The following ANKRD18B variants were observed in gnomAD, a reference collection of about 807,000 sequenced individuals.
ANKRD18B encodes the protein ankyrin repeat domain 18B.
In ANKRD18B, 75 loss-of-function variants were observed where a neutral mutation model predicts 111.8. The observed-to-expected ratio is 0.67, with a 90% CI of 0.56 to 0.81. ANKRD18B has a LOEUF of 0.81. Ranked by LOEUF, ANKRD18B falls within the 40% of genes least tolerant of loss-of-function variation. The pLI, the probability that ANKRD18B is intolerant of heterozygous loss-of-function variation, is 0.00. For synonymous variants in ANKRD18B, 356 were observed against 417.3 expected (o/e 0.85, Z 1.79); for missense variants, 1,038 against 1,225.5 (o/e 0.85, Z 2.28).
chr9:33,545,281 G>A, intron 10 of ANKRD18B, among the ~76,000 whole-genome samples: 1 of 152,098 alleles, frequency 6.6e-6, no homozygotes, highest in Admixed American at 6.6e-5. Context: ...AGTAGTTATG[G>A]CTGAAATGAA....
chr9:33,525,691 G>A (rs1480029658), intron 1 of ANKRD18B, among the ~76,000 whole-genome samples: 2 of 151,236 alleles, frequency 1.3e-5, no homozygotes, highest in Admixed American at 1.3e-4. Context: ...AATCCCCTGT[G>A]TATCAGAAAA....
chr9:33,529,174 G>A lies in ANKRD18B; in HGVS notation c.495+1G>A, dbSNP rs1410071819. 4 of 1,594,096 alleles carry A rather than the reference G, an allele frequency of 2.5e-6. No individual in the cohort carries two copies. The highest frequency in any genetic ancestry group is 1.4e-5 in the African/African-American group (1 of 74,048). On this transcript the variant is annotated splice_donor_variant, in intron 3 of 18. Coordinates refer to ENST00000684830, the MANE Select transcript of ANKRD18B (RefSeq NM_001393611.1). LOFTEE classifies it high-confidence loss of function. ...TGCAAATATTGAAGCACTAAACAAG[G>A]TACAGATCAATCAACTTTCTTTTCA...
At position 33,550,581 on chromosome 9, in the gene ANKRD18B, T is replaced by C; in HGVS notation, c.2217+2T>C. ...AAATTATTTCAAGTAGAAATTCAAGTATGTATGGAATTTAACATGTAGACA... is the reference window on the plus strand; with the variant it reads ...AAATTATTTCAAGTAGAAATTCAAGCATGTATGGAATTTAACATGTAGACA... On this transcript the variant is annotated splice_donor_variant, in intron 12 of 18. Coordinates refer to ENST00000684830, the MANE Select transcript of ANKRD18B (RefSeq NM_001393611.1). LOFTEE classifies it high-confidence loss of function. 3.2e-5 allele frequency: 49 copies of C among 1,534,708 alleles called. No individual in the cohort carries two copies. The highest frequency in any genetic ancestry group is 4.3e-5 in the Non-Finnish European group (49 of 1,140,586).
chr9:33,544,227 G>T (rs1828323628), intron 10 of ANKRD18B, among the ~76,000 whole-genome samples: 2 of 152,006 alleles, frequency 1.3e-5, no homozygotes, highest in Admixed American at 6.5e-5. Context: ...TAAGCTTCCT[G>T]GTTCACGTTT....
chr9:33,567,213 G>A lies in ANKRD18B; in HGVS notation c.2853G>A (p.Met951Ile). Residue 951 changes from methionine (M) to isoleucine (I), a missense_variant, in exon 16 of 19, where the codon ATG (methionine) becomes ATA (isoleucine). Physicochemically the swap from Met to Ile is conservative, Grantham distance 10. This residue lies in a region of ANKRD18B where 524 missense variants were observed against 677.9 expected (regional missense o/e 0.77). Transcript: ENST00000684830. The stretch of plus-strand genomic sequence containing the variant: ...ATGTGGAATGTAAATTCTCCAAAAT[G>A]AAAACAGCTTATGAAGATGTTACAA... ...LKDVECKFSK[M>I]KTAYEDVTTE... is the part of the protein sequence containing the mutation. 9 of 1,550,286 alleles carry A rather than the reference G, an allele frequency of 5.8e-6. No homozygotes were observed. The highest frequency in any genetic ancestry group is 7.9e-6 in the Non-Finnish European group (9 of 1,146,378).
Position 33,568,844 on chromosome 9 carries a change from C to G in ANKRD18B, c.3128C>G (p.Pro1043Arg), listed in dbSNP as rs1454654705. Residue 1043 changes from proline (P) to arginine (R), a missense_variant, in exon 17 of 19, where the codon CCT (proline) becomes CGT (arginine). Around this residue, in one of 4 missense-constraint regions of ANKRD18B, gnomAD observed 524 missense variants for 677.9 expected, o/e 0.77. Transcript: ENST00000684830. ...KYIPKMAIRIPTSNPQTSNNC... is the reference protein window; with the variant it reads ...KYIPKMAIRIRTSNPQTSNNC... ...ATTCCCAAAATGGCCATAAGAATTC[C>G]TACTTCAAACCCACAGACTTCAAAT... 6 of 1,551,262 alleles carry G rather than the reference C, an allele frequency of 3.9e-6. No homozygotes were observed. The highest frequency in any genetic ancestry group is 5.2e-6 in the Non-Finnish European group (6 of 1,146,762).
At chr9:33,539,321 A>T (rs1395812068) in intron 6 of ANKRD18B, 128 bp from the exon 7 acceptor site, 1 of 159,164 alleles carries the variant, frequency 6.3e-6, no homozygotes, top group Non-Finnish European at 1.5e-5. Flanking sequence ...GTGGCGATGA[A>T]TGCAGTCTTC....
At chr9:33,533,972 C>T (rs1828156092) in intron 4 of ANKRD18B, 1 of 154,096 alleles carries the variant, frequency 6.5e-6, no homozygotes, top group Non-Finnish European at 1.4e-5. Flanking sequence ...GCAGATAGCT[C>T]TTACTTATTT....
intron 1 of ANKRD18B, among the ~76,000 whole-genome samples, chr9:33,526,222 A>G (rs1828022861): frequency 6.6e-6 from 1 of 152,174 alleles, no homozygotes; most frequent in Non-Finnish European, 1.5e-5. Flanking sequence ...CCCTTTACCC[A>G]TCAACTCCAT....
rs1270912397 is a variant in ANKRD18B at position 33,529,011 on chromosome 9, C to T, written c.333C>T (p.Cys111=). The change falls in exon 3 of 19, where the codon TGC becomes TGT. Residue 111 remains cysteine (C), a synonymous_variant. Coordinates refer to ENST00000684830, the MANE Select transcript of ANKRD18B (RefSeq NM_001393611.1). ...TCTAACACTAATAGGCTGTACACTG[C>T]CAGGAAGAGGCTTGTGCCATTATTC... ...NRTPLMKAVH[C]QEEACAIILL... The T allele has an allele frequency of 6.2e-7, 1 of 1,612,606 alleles. No homozygotes were observed. The highest frequency in any genetic ancestry group is 8.5e-7 in the Non-Finnish European group (1 of 1,179,872).
chr9:33,570,657 G>A (rs1436984223), intron 17 of ANKRD18B, among the ~76,000 whole-genome samples: 2 of 79,258 alleles, frequency 2.5e-5, no homozygotes, highest in East Asian at 7.5e-4. Context: ...TTTTTTTTTT[G>A]AGATGGAGTT....
In ANKRD18B at chr9:33,560,192, T is replaced by C. The variant is rs984847014; in HGVS notation, c.2460+2005T>C. On this transcript the variant is annotated intron_variant, in intron 14 of 18. Coordinates refer to ENST00000684830, the MANE Select transcript of ANKRD18B (RefSeq NM_001393611.1). ...AGGAAAAATTAGCCATGTGGACCCA[T>C]TGAAGGGTGAGAAGGACAGAATTTA... Among the ~76,000 whole-genome samples the C allele has an allele frequency of 2.9e-4, 44 of 152,234 alleles. 1 individual carries two copies. The highest frequency in any genetic ancestry group is 1.0e-3 in the African/African-American group (43 of 41,528).
chr9:33,572,975 G>A lies in ANKRD18B; in HGVS notation c.*541G>A, dbSNP rs1694313958. Reference sequence around the variant, plus strand: ...CTTATTTTCTTCTTTGTTCTACATGGAGAAATAAAACCAATAAATAAAGGA... The same window carrying A: ...CTTATTTTCTTCTTTGTTCTACATGAAGAAATAAAACCAATAAATAAAGGA... On this transcript the variant is annotated 3_prime_UTR_variant, in exon 19 of 19. Coordinates refer to ENST00000684830, the MANE Select transcript of ANKRD18B (RefSeq NM_001393611.1). 1.3e-5 allele frequency: 4 copies of A among 308,394 alleles called. No individual in the cohort carries two copies. The East Asian group carries it at 3.8e-4, about 29-fold the overall frequency. The allele number at this position is 308,394 out of a possible 1,614,324, so 19.1% of individuals were successfully genotyped here.
At chr9:33,533,289 A>T (rs1238149075) in intron 3 of ANKRD18B, 150 bp from the exon 4 acceptor site, 3 of 1,395,552 alleles carry the variant, frequency 2.1e-6, no homozygotes, top group Non-Finnish European at 2.8e-6. Context: ...TGTGTGGGAA[A>T]GCACAGAGGA....
In ANKRD18B at chr9:33,524,283, G is replaced by T. The variant is rs1358597916; in HGVS notation, c.-207G>T. On this transcript the variant is annotated 5_prime_UTR_variant, in exon 1 of 19. Transcript: ENST00000684830. ...TCACTCTATCGAGAGGTCGGAGGCT[G>T]CGAGTGTCGCTGCTGAAGGCTGTAG... 3.1e-6 allele frequency: 4 copies of T among 1,291,846 alleles called. No homozygotes were observed. The highest frequency in any genetic ancestry group is 2.1e-5 in the South Asian group (1 of 48,288). 80.0% of individuals were successfully genotyped at this position (1,291,846 alleles called of 1,614,324 possible). A position where few individuals can be genotyped will look rare whatever the true frequency, so the allele number is the denominator to read the frequency against.
Position 33,567,243 on chromosome 9 carries a change from A to G in ANKRD18B, c.2883A>G (p.Glu961=). The G allele has an allele frequency of 6.5e-7, 1 of 1,550,078 alleles. No homozygotes were observed. The highest frequency in any genetic ancestry group is 1.2e-5 in the South Asian group (1 of 83,636). Residue 961 remains glutamate (E), a synonymous_variant, in exon 16 of 19, where the codon GAA becomes GAG. Transcript: ENST00000684830. ...CAGCTTATGAAGATGTTACAACTGAATTAGAAGAGTATAAGGAAGCCTTTG... is the reference window on the plus strand; with the variant it reads ...CAGCTTATGAAGATGTTACAACTGAGTTAGAAGAGTATAAGGAAGCCTTTG... ...MKTAYEDVTT[E]LEEYKEAFAV... is the part of the protein sequence containing the mutation.
intron 1 of ANKRD18B, among the ~76,000 whole-genome samples, chr9:33,525,570 AG>A (rs930181671): frequency 4.6e-5 from 7 of 152,126 alleles, no homozygotes; most frequent in African/African-American, 1.7e-4. Context: ...AAATACCAGA[AG>A]AAAACACAAA....
intron 1 of ANKRD18B, among the ~76,000 whole-genome samples, chr9:33,527,174 T>C (rs1828036149): frequency 6.6e-6 from 1 of 152,212 alleles, no homozygotes; most frequent in South Asian, 2.1e-4. Flanking sequence ...CTTTTGAAAA[T>C]TTATCAGTCT....
chr9:33,558,069 G>T lies in ANKRD18B; in HGVS notation c.2342G>T (p.Cys781Phe). ...LEEEATGYKKCLEMTINMLNA... is the reference protein window; with the variant it reads ...LEEEATGYKKFLEMTINMLNA... ...TTACATTTCTGCAGATATAAGAAATGCCTAGAAATGACAATAAATATGTTA... is the reference window on the plus strand; with the variant it reads ...TTACATTTCTGCAGATATAAGAAATTCCTAGAAATGACAATAAATATGTTA... Residue 781 changes from cysteine (C) to phenylalanine (F), a missense_variant, in exon 14 of 19, where the codon TGC becomes TTC. By Grantham distance (205) the Cys-to-Phe change is radical. This residue lies in a region of ANKRD18B where 524 missense variants were observed against 677.9 expected (regional missense o/e 0.77). Transcript: ENST00000684830. 1.3e-6 allele frequency: 2 copies of T among 1,599,796 alleles called. No homozygotes were observed. The highest frequency in any genetic ancestry group is 1.7e-6 in the Non-Finnish European group (2 of 1,172,010).
Sources: allele counts gnomAD v4.1 joint callset (sites outside exome capture counted in the v4.1 genomes callset), GRCh38; gene constraint gnomAD v4.1.1; regional missense constraint gnomAD v4.1.1; transcripts MANE v1.5; gene names NCBI Gene and HGNC (gene_info 2026-07-23, HGNC 2026-07-21).